The following LEF1 variants were observed in gnomAD, a reference collection of about 807,000 sequenced individuals.
LEF1 encodes the protein lymphoid enhancer-binding factor 1.
Under a neutral mutation model 51.2 loss-of-function variants are expected in LEF1, and 14 were observed. The ratio of observed to expected loss-of-function variants is 0.27; its 90% CI spans 0.18 to 0.43. The LOEUF (loss-of-function observed/expected upper bound fraction) is 0.43. Among genes scored for constraint, LEF1 ranks in the 20% least tolerant of loss-of-function variants. LEF1 has a pLI of 1.00. For synonymous variants in LEF1, 185 were observed against 183.2 expected, an observed-to-expected ratio of 1.01 and a Z score of -0.08; for missense variants, 386 against 512.0, an observed-to-expected ratio of 0.75 and a Z score of 2.37.
At chr4:108,055,335 T>C (rs7376170) in intron 11 of LEF1, among the ~76,000 whole-genome samples, 132,841 of 152,198 alleles carry the variant, frequency 0.87, 58,497 homozygotes, top group East Asian at 0.97. Flanking sequence ...ATTATACAAA[T>C]CACCATACTC....
intron 3 of LEF1, among the ~76,000 whole-genome samples, chr4:108,149,225 A>C (rs1010997954): frequency 6.6e-6 from 1 of 151,620 alleles, no homozygotes; most frequent in Non-Finnish European, 1.5e-5. Context: ...TTTGGGAGGC[A>C]GAGGCGGGCG....
chr4:108,152,779 A>T (rs1744435930), intron 3 of LEF1, among the ~76,000 whole-genome samples: 1 of 152,198 alleles, frequency 6.6e-6, no homozygotes, highest in African/African-American at 2.4e-5. Flanking sequence ...CTGCCTTTTT[A>T]ACAGAAACAC....
At chr4:108,139,921 CAG>C (rs761931618) in intron 3 of LEF1, among the ~76,000 whole-genome samples, 6 of 151,882 alleles carry the variant, frequency 4.0e-5, no homozygotes, top group South Asian at 4.2e-4. Flanking sequence ...CCACAAGAAA[CAG>C]AGGAAAAACA....
chr4:108,099,571 T>C lies in LEF1; in HGVS notation c.415-10314A>G, dbSNP rs1482782105. On this transcript the variant is annotated intron_variant, in intron 3 of 11. Coordinates refer to ENST00000265165, the MANE Select transcript of LEF1 (RefSeq NM_016269.5). ...GTGTGTGTGTATGTGTGTGTGTGTGTATATATATATATATATATATATATA... is the reference window on the plus strand; with the variant it reads ...GTGTGTGTGTATGTGTGTGTGTGTGCATATATATATATATATATATATATA... 1.1e-3 allele frequency among the ~76,000 whole-genome samples: 18 copies of C among 15,992 alleles called. No homozygotes were observed. The African/African-American group carries it at 0.012, about 11-fold the overall frequency. The allele number at this position is 15,992 out of a possible 152,430, so 10.5% of individuals were successfully genotyped here.
chr4:108,080,294 G>A (rs1050691534), intron 6 of LEF1, among the ~76,000 whole-genome samples: 9 of 152,098 alleles, frequency 5.9e-5, no homozygotes, highest in Admixed American at 5.9e-4. Context: ...ACACAAAGGA[G>A]GGAAACTGCC....
intron 3 of LEF1, among the ~76,000 whole-genome samples, chr4:108,098,397 A>G (rs1321521452): frequency 2.0e-5 from 3 of 152,160 alleles, no homozygotes; most frequent in African/African-American, 7.2e-5. Flanking sequence ...ACAGTTACCC[A>G]GATACGAAGT....
At position 108,144,865 on chromosome 4, in the gene LEF1, C is replaced by CAAAAAAA. The variant is rs11394687; in HGVS notation, c.414+18696_414+18702dup. Among the ~76,000 whole-genome samples, 376 of 41,872 alleles carry CAAAAAAA rather than the reference C, an allele frequency of 9.0e-3. 6 individuals carry two copies. The highest frequency in any genetic ancestry group is 0.015 in the Admixed American group (31 of 2,080). The allele number at this position is 41,872 out of a possible 152,430, so 27.5% of individuals were successfully genotyped here. On this transcript the variant is annotated intron_variant, in intron 3 of 11. Coordinates refer to ENST00000265165, the MANE Select transcript of LEF1 (RefSeq NM_016269.5). ...ACAGCAAAGAATTGACCCAACCAGCCAAAAAAAAAAAAAAAAAAAAAAAAG... is the reference window on the plus strand; with the variant it reads ...ACAGCAAAGAATTGACCCAACCAGCCAAAAAAAAAAAAAAAAAAAAAAAAAAAAAAAG...
At chr4:108,137,199 C>T (rs1466159523) in intron 3 of LEF1, among the ~76,000 whole-genome samples, 1 of 152,072 alleles carries the variant, frequency 6.6e-6, no homozygotes, top group East Asian at 1.9e-4. Flanking sequence ...TAGCAATTTC[C>T]TATTAAAACA....
chr4:108,112,718 AG>A (rs1160596870), intron 3 of LEF1, among the ~76,000 whole-genome samples: 5 of 152,346 alleles, frequency 3.3e-5, no homozygotes, highest in African/African-American at 1.2e-4. Context: ...TAAAATGTAA[AG>A]ATAAATCAGC....
At chr4:108,090,864 C>G (rs1279980108) in intron 3 of LEF1, among the ~76,000 whole-genome samples, 1 of 152,020 alleles carries the variant, frequency 6.6e-6, no homozygotes, top group Non-Finnish European at 1.5e-5. Context: ...CTCAATAAAC[C>G]CTTCACCAAA....
chr4:108,057,879 T>G (rs1448865818), intron 11 of LEF1, among the ~76,000 whole-genome samples: 2 of 151,656 alleles, frequency 1.3e-5, no homozygotes, highest in Non-Finnish European at 2.9e-5. Flanking sequence ...TATCTTTTTT[T>G]TTTTTTTTCC....
chr4:108,107,961 A>G (rs1331097612), intron 3 of LEF1, among the ~76,000 whole-genome samples: 2 of 152,204 alleles, frequency 1.3e-5, no homozygotes, highest in African/African-American at 4.8e-5. Context: ...AGCTCTCACA[A>G]TTCAATTCAG....
chr4:108,135,457 T>C (rs1366988147), intron 3 of LEF1, among the ~76,000 whole-genome samples: 1 of 152,200 alleles, frequency 6.6e-6, no homozygotes, highest in Non-Finnish European at 1.5e-5. Context: ...CAGATGGAGA[T>C]GTGCTTCCAT....
chr4:108,120,870 A>G (rs1367655241), intron 3 of LEF1, among the ~76,000 whole-genome samples: 1 of 152,258 alleles, frequency 6.6e-6, no homozygotes, highest in African/African-American at 2.4e-5. Flanking sequence ...TGTATTTGAA[A>G]GCTTGAATTT....
At chr4:108,112,078 G>A (rs919340096) in intron 3 of LEF1, among the ~76,000 whole-genome samples, 7 of 152,058 alleles carry the variant, frequency 4.6e-5, no homozygotes, top group South Asian at 4.1e-4. Flanking sequence ...CTCGGCTGTT[G>A]GAAACAGGCA....
At chr4:108,060,552 T>C (rs894762625) in intron 11 of LEF1, among the ~76,000 whole-genome samples, 7 of 152,104 alleles carry the variant, frequency 4.6e-5, no homozygotes, top group African/African-American at 1.7e-4. Context: ...AACGTGACGC[T>C]CTGTTCCCTT....
At position 108,130,810 on chromosome 4, in the gene LEF1, C is replaced by A. The variant is rs995131894; in HGVS notation, c.414+32758G>T. Among the ~76,000 whole-genome samples the A allele has an allele frequency of 5.3e-5, 8 of 151,728 alleles. 1 individual carries two copies. Among genetic ancestry groups the A allele is most frequent in the Admixed American group, 5.2e-4 (8 of 15,246 alleles). On this transcript the variant is annotated intron_variant, in intron 3 of 11. Transcript: ENST00000265165. ...TCCCTTCCTTGCCCTTCCCAAGTTG[C>A]TTCTTAGAACTTAAACACTCCACTA...
rs904480059 is a variant in LEF1 at position 108,167,425 on chromosome 4, C to G, written c.213+130G>C. On this transcript the variant is annotated intron_variant, in intron 1 of 11. Transcript: ENST00000265165. This position sits in a 1 kb window ranked among gnomAD's most constrained non-coding sequence, Gnocchi z 5.7. ...GACCGGGGGCCCAGCTACGCACACA[C>G]CCCAAAACAAACGAGGGATCTACTC... 12 of 812,412 alleles carry G rather than the reference C, an allele frequency of 1.5e-5. No individual in the cohort carries two copies. In the East Asian group the frequency reaches 3.0e-4, roughly 21 times the overall value. 50.3% of individuals were successfully genotyped at this position (812,412 alleles called of 1,614,324 possible). A position where few individuals can be genotyped will look rare whatever the true frequency, so the allele number is the denominator to read the frequency against.
chr4:108,109,459 G>T (rs1245524656), intron 3 of LEF1, among the ~76,000 whole-genome samples: 1 of 152,156 alleles, frequency 6.6e-6, no homozygotes, highest in East Asian at 1.9e-4. Context: ...GTGATCTTTG[G>T]TAAGTCTCTC....
Sources: allele counts gnomAD v4.1 joint callset (sites outside exome capture counted in the v4.1 genomes callset), GRCh38; gene constraint gnomAD v4.1.1; non-coding constraint Gnocchi (gnomAD v3.1); transcripts MANE v1.5; gene names NCBI Gene and HGNC (gene_info 2026-07-23, HGNC 2026-07-21).